The following LMCD1 variants were observed in gnomAD, a reference collection of about 807,000 sequenced individuals.
The protein encoded by LMCD1 is LIM and cysteine rich domains 1.
In LMCD1, 32 loss-of-function variants were observed where a neutral mutation model predicts 42.7. The observed-to-expected ratio is 0.75, with a 90% CI of 0.57 to 1.01. The LOEUF (loss-of-function observed/expected upper bound fraction) is 1.01. LMCD1 is among the 50% of genes least tolerant of loss of function. The pLI is 0.00. For missense variants in LMCD1, 458 were observed against 483.1 expected (o/e 0.95, Z 0.49); for synonymous variants, 178 against 184.9 (o/e 0.96, Z 0.30).
At chr3:8,529,433 A>G (rs1694363589) in intron 1 of LMCD1, among the ~76,000 whole-genome samples, 2 of 150,230 alleles carry the variant, frequency 1.3e-5, no homozygotes, top group Non-Finnish European at 3.0e-5. Context: ...CGCTTCCTGA[A>G]CCTCCATTTA....
intron 4 of LMCD1, among the ~76,000 whole-genome samples, chr3:8,559,697 G>A (rs757908738): frequency 2.0e-5 from 3 of 152,338 alleles, no homozygotes; most frequent in Non-Finnish European, 2.9e-5. Flanking sequence ...CTTGTCTCTC[G>A]TGGCTGAGGG....
At chr3:8,539,813 A>ATTAT (rs1305360058) in intron 3 of LMCD1, among the ~76,000 whole-genome samples, 1 of 147,390 alleles carries the variant, frequency 6.8e-6, no homozygotes, top group Admixed American at 6.8e-5. Flanking sequence ...TATTATTATT[A>ATTAT]TTATTATTAT....
chr3:8,512,705 A>G (rs1045817222), intron 1 of LMCD1, among the ~76,000 whole-genome samples: 2 of 152,242 alleles, frequency 1.3e-5, no homozygotes, highest in Non-Finnish European at 2.9e-5. Context: ...AAATGGGACC[A>G]TCACAGGGGA....
chr3:8,519,528 A>G (rs909000947), intron 1 of LMCD1, among the ~76,000 whole-genome samples: 1 of 152,196 alleles, frequency 6.6e-6, no homozygotes, highest in Non-Finnish European at 1.5e-5. Context: ...ACCGTTCACT[A>G]GTTTCTGTTT....
intron 3 of LMCD1, among the ~76,000 whole-genome samples, chr3:8,540,151 T>C (rs980711990): frequency 6.6e-6 from 1 of 152,142 alleles, no homozygotes; most frequent in African/African-American, 2.4e-5. Flanking sequence ...AAACACCGCA[T>C]GTTCTCACTC....
intron 4 of LMCD1, chr3:8,550,911 A>G (rs1175529781): frequency 3.0e-6 from 3 of 985,298 alleles, no homozygotes; most frequent in Non-Finnish European, 2.4e-6. Flanking sequence ...TGAGCCTCGC[A>G]TATTTGTTCT....
At chr3:8,530,640 A>G (rs922060064) in intron 1 of LMCD1, among the ~76,000 whole-genome samples, 1 of 152,218 alleles carries the variant, frequency 6.6e-6, no homozygotes, top group African/African-American at 2.4e-5. Flanking sequence ...ATGGTCCAAC[A>G]ATGAAGCCTT....
intron 4 of LMCD1, among the ~76,000 whole-genome samples, chr3:8,553,605 C>T (rs949724648): frequency 9.9e-5 from 15 of 152,184 alleles, no homozygotes; most frequent in Non-Finnish European, 1.9e-4. Context: ...AGCAGACGGG[C>T]CCTACTGACG....
At chr3:8,561,151 T>A (rs1474028491) in intron 4 of LMCD1, among the ~76,000 whole-genome samples, 1 of 152,172 alleles carries the variant, frequency 6.6e-6, no homozygotes, top group Non-Finnish European at 1.5e-5. Context: ...AAAAAGTAAA[T>A]ATTTCTATTT....
intron 4 of LMCD1, among the ~76,000 whole-genome samples, chr3:8,561,461 TGAATTG>T (rs1366689584): frequency 6.6e-6 from 1 of 151,528 alleles, no homozygotes; most frequent in Non-Finnish European, 1.5e-5. Context: ...AACATTTCAC[TGAATTG>T]GAGGGCAAAT....
intron 1 of LMCD1, among the ~76,000 whole-genome samples, chr3:8,505,087 G>A (rs143461918): frequency 1.1e-3 from 168 of 152,310 alleles, no homozygotes; most frequent in African/African-American, 3.8e-3. Flanking sequence ...TCAGCATATG[G>A]GCACTCAGAG....
intron 1 of LMCD1, among the ~76,000 whole-genome samples, chr3:8,531,291 C>A (rs1694407209): frequency 6.6e-6 from 1 of 152,198 alleles, no homozygotes; most frequent in African/African-American, 2.4e-5. Context: ...TTCTGCTAGG[C>A]ATCTCCTTTC....
At chr3:8,533,169 G>A (rs1395325943) in intron 2 of LMCD1, among the ~76,000 whole-genome samples, 1 of 152,122 alleles carries the variant, frequency 6.6e-6, no homozygotes, top group East Asian at 1.9e-4. Flanking sequence ...GGGTTTGGTG[G>A]ATGGGGTGAT....
Position 8,548,880 on chromosome 3 carries a change from G to T in LMCD1, c.700G>T (p.Asp234Tyr). ...TGCTACCACCAACGGCAGTCTCAGTGACCCGTCCAAAGAAGTGGAATACGT... is the reference window on the plus strand; with the variant it reads ...TGCTACCACCAACGGCAGTCTCAGTTACCCGTCCAAAGAAGTGGAATACGT... ...TAATTNGSLS[D>Y]PSKEVEYVCE... Residue 234 changes from aspartate to tyrosine, a missense_variant, in exon 4 of 6, where the codon GAC becomes TAC. Coordinates refer to ENST00000157600, the MANE Select transcript of LMCD1 (RefSeq NM_014583.4). 6.4e-7 allele frequency: 1 copy of T among 1,551,820 alleles called. No homozygotes were observed. The highest frequency in any genetic ancestry group is 8.7e-7 in the Non-Finnish European group (1 of 1,144,928).
chr3:8,513,879 G>A (rs1694048459), intron 1 of LMCD1, among the ~76,000 whole-genome samples: 2 of 152,036 alleles, frequency 1.3e-5, no homozygotes, highest in Non-Finnish European at 2.9e-5. Flanking sequence ...GAAAGTGAAA[G>A]GCAATCCACA....
chr3:8,539,362 A>C (rs1251104328), intron 3 of LMCD1, among the ~76,000 whole-genome samples: 1 of 152,212 alleles, frequency 6.6e-6, no homozygotes, highest in Non-Finnish European at 1.5e-5. Context: ...GTTGTTTTAC[A>C]TGTAAGGAAA....
chr3:8,527,292 G>T (rs1354377871), intron 1 of LMCD1, among the ~76,000 whole-genome samples: 1 of 152,112 alleles, frequency 6.6e-6, no homozygotes, highest in Non-Finnish European at 1.5e-5. Context: ...CACCACCACT[G>T]CCTTCAAAGG....
rs192645125 is a variant in LMCD1, at chr3:8,559,302, C to G, written c.724-6130C>G. Among the ~76,000 whole-genome samples the G allele has an allele frequency of 8.9e-4, 136 of 152,252 alleles. 1 individual carries two copies. Among genetic ancestry groups the G allele is most frequent in the African/African-American group, 3.1e-3 (129 of 41,534 alleles). ...TCATTTTAGGAAAGTGGTTTAATCCCTCTGGGCTTTACATTTCTAGCCTGC... is the reference window on the plus strand; with the variant it reads ...TCATTTTAGGAAAGTGGTTTAATCCGTCTGGGCTTTACATTTCTAGCCTGC... On this transcript the variant is annotated intron_variant, in intron 4 of 5. Coordinates refer to ENST00000157600, the MANE Select transcript of LMCD1 (RefSeq NM_014583.4).
intron 4 of LMCD1, among the ~76,000 whole-genome samples, chr3:8,555,329 G>A (rs938031696): frequency 3.3e-5 from 5 of 152,134 alleles, no homozygotes; most frequent in Admixed American, 1.3e-4. Context: ...TTGTGGGCTC[G>A]GCAGGCAGGC....
Sources: allele counts gnomAD v4.1 joint callset (sites outside exome capture counted in the v4.1 genomes callset), GRCh38; gene constraint gnomAD v4.1.1; transcripts MANE v1.5; gene names NCBI Gene and HGNC (gene_info 2026-07-23, HGNC 2026-07-21).